The following TBC1D8 variants were observed in gnomAD, a reference collection of about 807,000 sequenced individuals.
The protein encoded by TBC1D8 is TBC1 domain family member 8.
In TBC1D8, 65 loss-of-function variants were observed where a neutral mutation model predicts 118.8. That is an observed-to-expected ratio of 0.55 (90% CI 0.45 to 0.67). TBC1D8 has a LOEUF of 0.67. TBC1D8 is among the 30% of genes least tolerant of loss of function. The pLI, the probability that TBC1D8 is intolerant of heterozygous loss-of-function variation, is 0.00. For missense variants in TBC1D8, 1,376 were observed against 1,471.2 expected (o/e 0.94, Z 1.06); for synonymous variants, 566 against 595.8 (o/e 0.95, Z 0.73).
intron 1 of TBC1D8, among the ~76,000 whole-genome samples, chr2:101,123,216 C>T (rs368212270): frequency 2.6e-5 from 4 of 152,270 alleles, no homozygotes; most frequent in South Asian, 4.2e-4. Context: ...GCCTGGGCAA[C>T]AGTCATCGTG....
rs535860923 is a variant in TBC1D8 at position 101,149,520 on chromosome 2, G to A, written c.127+1607C>T. The stretch of plus-strand genomic sequence containing the variant: ...CCTACATATGTGCACGGAACTCAGT[G>A]AATGAATGAGCGTTTACGGGACAAA... On this transcript the variant is annotated intron_variant, in intron 1 of 19. Coordinates refer to ENST00000409318, the MANE Select transcript of TBC1D8 (RefSeq NM_001330348.2). Among the ~76,000 whole-genome samples the A allele has an allele frequency of 2.0e-5, 3 of 152,330 alleles. No homozygotes were observed. The East Asian group carries it at 5.8e-4, about 29-fold the overall frequency.
intron 2 of TBC1D8, chr2:101,068,262 A>T (rs1328722064): frequency 5.7e-6 from 1 of 174,224 alleles, no homozygotes; most frequent in Non-Finnish European, 1.2e-5. Context: ...GGCATCTAAA[A>T]TGGCAAATCC....
chr2:101,123,264 G>T (rs909814301), intron 1 of TBC1D8, among the ~76,000 whole-genome samples: 4 of 152,112 alleles, frequency 2.6e-5, no homozygotes, highest in African/African-American at 9.7e-5. Context: ...CTAGATAGAA[G>T]ATCATATTGT....
At chr2:101,098,561 C>T (rs1676623559) in intron 1 of TBC1D8, among the ~76,000 whole-genome samples, 1 of 152,226 alleles carries the variant, frequency 6.6e-6, no homozygotes, top group Admixed American at 6.5e-5. Context: ...ACAGTGTATA[C>T]ATTCTTCTCA....
intron 11 of TBC1D8, 121 bp downstream of exon 11, chr2:101,032,143 GTGTT>G (rs1174308496): frequency 1.2e-6 from 1 of 859,386 alleles, no homozygotes; most frequent in Non-Finnish European, 1.8e-6. Context: ...GAGTCAAACT[GTGTT>G]TGCAAACAGA....
intron 18 of TBC1D8, 141 bp from the exon 19 acceptor site, chr2:101,011,167 C>T (rs1679180249): frequency 2.4e-6 from 2 of 824,476 alleles, no homozygotes; most frequent in Non-Finnish European, 3.8e-6. Context: ...GCAAGAGATT[C>T]CCCTGGAGAG....
chr2:101,096,443 A>AAC lies in TBC1D8; in HGVS notation c.128-6080_128-6079insGT, dbSNP rs60313045. 7.7e-3 allele frequency among the ~76,000 whole-genome samples: 1,013 copies of AAC among 131,532 alleles called. 33 individuals carry two copies. The highest frequency in any genetic ancestry group is 0.011 in the African/African-American group (424 of 38,254). The allele number at this position is 131,532 out of a possible 152,430, so 86.3% of individuals were successfully genotyped here. On this transcript the variant is annotated intron_variant, in intron 1 of 19. Transcript: ENST00000409318. ...ACAAAAAAAAAAAAAAAAAAAAAAA[A>AAC]AAAACTATAATGCACGCTACAACAA...
At chr2:101,031,814 TCC>T (rs1680687065) in intron 11 of TBC1D8, among the ~76,000 whole-genome samples, 1 of 151,916 alleles carries the variant, frequency 6.6e-6, no homozygotes, top group Non-Finnish European at 1.5e-5. Flanking sequence ...CCCACCTACC[TCC>T]TCTCTCTAGG....
At chr2:101,075,945 T>A (rs1674787615) in intron 2 of TBC1D8, among the ~76,000 whole-genome samples, 1 of 152,210 alleles carries the variant, frequency 6.6e-6, no homozygotes, top group Non-Finnish European at 1.5e-5. Flanking sequence ...TTGAAAATTT[T>A]CATAATGAAA....
chr2:101,027,497 C>A (rs370990907), intron 14 of TBC1D8, 46 bp from the exon 15 acceptor site: 4 of 1,581,812 alleles, frequency 2.5e-6, no homozygotes, highest in East Asian at 2.2e-5. Context: ...TAGGCCTGCA[C>A]CCCCAGGGGT....
In TBC1D8 at chr2:101,149,950, G is replaced by T. The variant is rs1347274626; in HGVS notation, c.127+1177C>A. On this transcript the variant is annotated intron_variant, in intron 1 of 19. Coordinates refer to ENST00000409318, the MANE Select transcript of TBC1D8 (RefSeq NM_001330348.2). ...CCGTCCAGAATCCTAACTACACTCT[G>T]CCCCTTCCATGGGGAACCCTCAGCT... Among the ~76,000 whole-genome samples the T allele has an allele frequency of 4.6e-5, 7 of 152,288 alleles. No individual in the cohort carries two copies. In the East Asian group the frequency reaches 1.2e-3, roughly 25 times the overall value.
At chr2:101,134,705 C>T (rs1678761958) in intron 1 of TBC1D8, among the ~76,000 whole-genome samples, 1 of 152,184 alleles carries the variant, frequency 6.6e-6, no homozygotes, top group Non-Finnish European at 1.5e-5. Flanking sequence ...ACCTTAGTTA[C>T]CTCCCTGCAG....
At chr2:101,099,149 T>C (rs1283126451) in intron 1 of TBC1D8, among the ~76,000 whole-genome samples, 2 of 150,428 alleles carry the variant, frequency 1.3e-5, no homozygotes, top group African/African-American at 2.4e-5. Context: ...AAGAATCAAA[T>C]AGACACAATA....
intron 2 of TBC1D8, among the ~76,000 whole-genome samples, chr2:101,066,459 C>T (rs538809893): frequency 2.0e-5 from 3 of 151,812 alleles, no homozygotes; most frequent in Middle Eastern, 3.4e-3. Flanking sequence ...GGGGAAAAAT[C>T]AATTCTTAAA....
intron 1 of TBC1D8, among the ~76,000 whole-genome samples, chr2:101,104,487 A>C (rs1333549703): frequency 1.3e-5 from 2 of 152,246 alleles, no homozygotes; most frequent in African/African-American, 2.4e-5. Context: ...TAATCAAGAC[A>C]GTGTGGTGGT....
intron 1 of TBC1D8, among the ~76,000 whole-genome samples, chr2:101,123,999 T>C (rs1678241157): frequency 6.6e-6 from 1 of 152,186 alleles, no homozygotes; most frequent in Non-Finnish European, 1.5e-5. Context: ...ACTTGGTGCT[T>C]GGACTCAATC....
chr2:101,068,625 T>A, intron 2 of TBC1D8: 1 of 530,496 alleles, frequency 1.9e-6, no homozygotes, highest in Non-Finnish European at 3.4e-6. Flanking sequence ...CAACAAGAAA[T>A]GGCAGAAAAG....
At position 101,099,039 on chromosome 2, in the gene TBC1D8, A is replaced by G. The variant is rs145623083; in HGVS notation, c.128-8675T>C. Among the ~76,000 whole-genome samples, 129 of 148,366 alleles carry G rather than the reference A, an allele frequency of 8.7e-4. 3 individuals carry two copies. In the East Asian group the frequency reaches 0.019, roughly 21 times the overall value. ...GAGAAGAAGTGGAGGAGATAGAGAC[A>G]CGAAAAACCATCCAAAAAAAAAAAA... On this transcript the variant is annotated intron_variant, in intron 1 of 19. Coordinates refer to ENST00000409318, the MANE Select transcript of TBC1D8 (RefSeq NM_001330348.2).
intron 5 of TBC1D8, among the ~76,000 whole-genome samples, chr2:101,048,644 T>A (rs1382856403): frequency 7.6e-6 from 1 of 131,032 alleles, no homozygotes; most frequent in African/African-American, 2.9e-5. Context: ...ACCCTCAGCA[T>A]GCTGCCGTTC....
Sources: allele counts gnomAD v4.1 joint callset (sites outside exome capture counted in the v4.1 genomes callset), GRCh38; gene constraint gnomAD v4.1.1; transcripts MANE v1.5; gene names NCBI Gene and HGNC (gene_info 2026-07-23, HGNC 2026-07-21).